PCDH15: variants seen among roughly 807,000 people sequenced by gnomAD.
PCDH15 encodes the protein protocadherin related 15.
Under a neutral mutation model 178.5 loss-of-function variants are expected in PCDH15, and 129 were observed. The observed-to-expected ratio is 0.72, with a 90% CI of 0.63 to 0.84. PCDH15 has a LOEUF of 0.84. Among genes scored for constraint, PCDH15 ranks in the 40% least tolerant of loss-of-function variants. The pLI is 0.00. For missense variants in PCDH15, 2,230 were observed against 2,099.9 expected (o/e 1.06, Z -1.21); for synonymous variants, 800 against 732.0 (o/e 1.09, Z -1.50).
intron 18 of PCDH15, among the ~76,000 whole-genome samples, chr10:54,063,604 C>T (rs1198002222): frequency 6.6e-6 from 1 of 152,164 alleles, no homozygotes; most frequent in Non-Finnish European, 1.5e-5. Flanking sequence ...GTGGTGGCGC[C>T]TTTGCCCAAG....
intron 2 of PCDH15, among the ~76,000 whole-genome samples, chr10:55,436,210 A>C (rs183483331): frequency 7.2e-4 from 109 of 152,212 alleles, no homozygotes; most frequent in African/African-American, 2.5e-3. Context: ...AAACATAAAT[A>C]CTTTATTTAG....
intron 1 of PCDH15, among the ~76,000 whole-genome samples, chr10:55,191,855 C>T (rs796598533): frequency 3.3e-5 from 5 of 151,870 alleles, no homozygotes; most frequent in African/African-American, 1.2e-4. Context: ...TCATACGGCA[C>T]TTTTTTTCTT....
chr10:54,486,889 G>T (rs2079149660), intron 3 of PCDH15, among the ~76,000 whole-genome samples: 1 of 152,010 alleles, frequency 6.6e-6, no homozygotes, highest in Non-Finnish European at 1.5e-5. Context: ...AGCCATTATA[G>T]ACCATGAGAT....
At chr10:54,698,963 CTTT>C (rs1449285298) in intron 1 of PCDH15, among the ~76,000 whole-genome samples, 16 of 152,064 alleles carry the variant, frequency 1.1e-4, no homozygotes, top group Non-Finnish European at 2.2e-4. Flanking sequence ...ATAAATTCTT[CTTT>C]GTCTTTCACA....
intron 1 of PCDH15, among the ~76,000 whole-genome samples, chr10:55,213,547 A>G (rs1225172782): frequency 3.3e-5 from 5 of 151,694 alleles, no homozygotes; most frequent in Non-Finnish European, 7.4e-5. Context: ...AATTTTTTAC[A>G]TTTGTGTTTT....
rs777415837 is a variant in PCDH15 at position 54,369,399 on chromosome 10, CA to C, written c.319-125del. ...GTTTATTTTTAAATTATAATAATCT[CA>C]AAGAAAATGATCATTTTAAGGACAA... is the stretch of plus-strand genomic sequence containing the variant. On this transcript the variant is annotated intron_variant, in intron 4 of 37. Transcript: ENST00000644397. 530 of 874,888 alleles carry C rather than the reference CA, an allele frequency of 6.1e-4. 1 individual carries two copies. The highest frequency in any genetic ancestry group is 8.6e-4 in the Non-Finnish European group (485 of 562,058). The allele number at this position is 874,888 out of a possible 1,614,324, so 54.2% of individuals were successfully genotyped here. A position where few individuals can be genotyped will look rare whatever the true frequency, so the allele number is the denominator to read the frequency against.
At chr10:54,961,000 T>A (rs1481261212) in intron 2 of PCDH15, among the ~76,000 whole-genome samples, 1 of 152,162 alleles carries the variant, frequency 6.6e-6, no homozygotes, top group Non-Finnish European at 1.5e-5. Flanking sequence ...TTAAAACAAA[T>A]CAATGCAAAG....
At chr10:54,649,342 A>G (rs2094203515) in intron 2 of PCDH15, among the ~76,000 whole-genome samples, 1 of 150,474 alleles carries the variant, frequency 6.6e-6, no homozygotes, top group South Asian at 2.1e-4. Context: ...AATACTCAAC[A>G]TAAAGCGTAA....
chr10:55,568,794 AG>A (rs1842353154), intron 2 of PCDH15, among the ~76,000 whole-genome samples: 1 of 152,084 alleles, frequency 6.6e-6, no homozygotes, highest in African/African-American at 2.4e-5. Flanking sequence ...CTTGATCACT[AG>A]GGATGCTCTG....
At chr10:55,261,277 A>G (rs1467693659) in intron 1 of PCDH15, among the ~76,000 whole-genome samples, 1 of 152,154 alleles carries the variant, frequency 6.6e-6, no homozygotes, top group Admixed American at 6.6e-5. Context: ...GTCTTTCATA[A>G]TAATCCTACT....
intron 18 of PCDH15, among the ~76,000 whole-genome samples, chr10:54,034,478 G>A (rs558099284): frequency 1.3e-5 from 2 of 151,918 alleles, no homozygotes; most frequent in South Asian, 4.2e-4. Context: ...ATGTATGTTA[G>A]GTATTCATTT....
intron 2 of PCDH15, among the ~76,000 whole-genome samples, chr10:55,603,619 C>G (rs1413882470): frequency 6.6e-6 from 1 of 151,072 alleles, no homozygotes; most frequent in African/African-American, 2.4e-5. Context: ...AATTTTCAAC[C>G]CAGAATTTCA....
chr10:54,132,092 C>A (rs190507947), intron 15 of PCDH15, among the ~76,000 whole-genome samples: 1 of 152,128 alleles, frequency 6.6e-6, no homozygotes, highest in African/African-American at 2.4e-5. Flanking sequence ...CCACATAACA[C>A]CAGAAGATAA....
At chr10:54,835,420 C>T (rs554875665) in intron 3 of PCDH15, among the ~76,000 whole-genome samples, 1 of 152,256 alleles carries the variant, frequency 6.6e-6, no homozygotes, top group African/African-American at 2.4e-5. Flanking sequence ...CTCTCTTTCT[C>T]ATACATGCAC....
intron 3 of PCDH15, among the ~76,000 whole-genome samples, chr10:54,825,485 C>T (rs1194462423): frequency 6.8e-6 from 1 of 147,962 alleles, no homozygotes; most frequent in African/African-American, 2.5e-5. Flanking sequence ...TTTACAGTCC[C>T]ACCAACAGTG....
chr10:55,519,285 T>TTAAAAAAAAA (rs1554880175), intron 2 of PCDH15, among the ~76,000 whole-genome samples: 2 of 134,182 alleles, frequency 1.5e-5, no homozygotes, highest in African/African-American at 5.6e-5. Context: ...ATGCTGAGTG[T>TTAAAAAAAAA]AAAAAAAAAA....
chr10:54,787,212 G>GTA (rs1469787954), intron 1 of PCDH15, among the ~76,000 whole-genome samples: 1 of 151,342 alleles, frequency 6.6e-6, no homozygotes, highest in Non-Finnish European at 1.5e-5. Flanking sequence ...TAAAAGCAGG[G>GTA]TATAAATATA....
chr10:55,575,040 T>A lies in PCDH15; in HGVS notation c.-156+52585A>T, dbSNP rs143953022. On this transcript the variant is annotated intron_variant, in intron 2 of 5. Coordinates refer to the PCDH15 transcript ENST00000613346. ...CTTCAAATTATTTCAACTCAGAGCT[T>A]TTACTCACAAAAATCAGAGCTCTTC... 1.1e-3 allele frequency among the ~76,000 whole-genome samples: 170 copies of A among 152,130 alleles called. 1 individual carries two copies. The highest frequency in any genetic ancestry group is 4.0e-3 in the African/African-American group (165 of 41,544).
At chr10:53,971,072 CAAG>C (rs1234618167) in intron 21 of PCDH15, among the ~76,000 whole-genome samples, 1 of 152,154 alleles carries the variant, frequency 6.6e-6, no homozygotes, top group Non-Finnish European at 1.5e-5. Context: ...AGCAGCACAT[CAAG>C]AAGCTTATCC....
Sources: gnomAD v4.1 joint callset for allele counts (sites outside exome capture counted in the v4.1 genomes callset) on GRCh38, gnomAD v4.1.1 for gene constraint, MANE v1.5 for transcripts, NCBI Gene and HGNC (gene_info 2026-07-23, HGNC 2026-07-21) for gene names.